The following DRC11 variants were observed in gnomAD, a reference collection of about 807,000 sequenced individuals.
The protein encoded by DRC11 is IQ and AAA domain-containing protein 1.
At chr2:236,338,215 A>C in the DRC11 span, 6 of 1,613,668 alleles carry the variant, frequency 3.7e-6, no homozygotes, top group Non-Finnish European at 5.1e-6. Flanking sequence ...CGTATCTGGA[A>C]GCATAGTCTG....
chr2:236,336,422 C>G, the DRC11 span, among the ~76,000 whole-genome samples: 1 of 58,154 alleles, frequency 1.7e-5, no homozygotes, highest in Non-Finnish European at 3.7e-5. The surrounding 1 kb of genome is among the most constrained non-coding windows in gnomAD (Gnocchi z 7.3). Context: ...TGACCACCAC[C>G]ACCACTGCCA....
chr2:236,459,964 C>T, the DRC11 span, among the ~76,000 whole-genome samples: 1 of 152,024 alleles, frequency 6.6e-6, no homozygotes, highest in Non-Finnish European at 1.5e-5. Flanking sequence ...CGTGGGAATG[C>T]ATATTAAGTG....
chr2:236,489,830 C>T, the DRC11 span, among the ~76,000 whole-genome samples: 1 of 152,040 alleles, frequency 6.6e-6, no homozygotes, highest in Non-Finnish European at 1.5e-5. Flanking sequence ...GAAGCTGGGG[C>T]GAGAGGATCA....
At chr2:236,414,376 C>T in the DRC11 span, among the ~76,000 whole-genome samples, 2 of 152,110 alleles carry the variant, frequency 1.3e-5, no homozygotes. Flanking sequence ...AGTCCATGAC[C>T]GATTTTGAGT....
At chr2:236,422,632 T>C in the DRC11 span, among the ~76,000 whole-genome samples, 1 of 152,138 alleles carries the variant, frequency 6.6e-6, no homozygotes, top group Non-Finnish European at 1.5e-5. Context: ...CTGCCCAAGG[T>C]AATTTATAGA....
the DRC11 span, among the ~76,000 whole-genome samples, chr2:236,323,579 C>T: frequency 6.6e-6 from 1 of 152,156 alleles, no homozygotes; most frequent in South Asian, 2.1e-4. This position sits in a 1 kb window ranked among gnomAD's most constrained non-coding sequence, Gnocchi z 6.4. Context: ...CCAGAAGACA[C>T]CTGGAAACCA....
the DRC11 span, among the ~76,000 whole-genome samples, chr2:236,480,915 T>C: frequency 6.6e-6 from 1 of 152,382 alleles, no homozygotes; most frequent in South Asian, 2.1e-4. Flanking sequence ...ATTTCCTTTA[T>C]TGCTAGGTAA....
chr2:236,488,367 T>C, the DRC11 span, among the ~76,000 whole-genome samples: 1 of 152,212 alleles, frequency 6.6e-6, no homozygotes, highest in East Asian at 1.9e-4. Flanking sequence ...TATATTTTGA[T>C]AACATGACAT....
chr2:236,449,357 C>G, the DRC11 span, among the ~76,000 whole-genome samples: 21 of 152,292 alleles, frequency 1.4e-4, no homozygotes, highest in South Asian at 2.9e-3. This position sits in a 1 kb window ranked among gnomAD's most constrained non-coding sequence, Gnocchi z 5.1. Flanking sequence ...CATTCTGTCA[C>G]GAAGCCAGGG....
the DRC11 span, among the ~76,000 whole-genome samples, chr2:236,473,471 C>T: frequency 6.6e-6 from 1 of 152,220 alleles, no homozygotes; most frequent in Non-Finnish European, 1.5e-5. The surrounding 1 kb of genome is among the most constrained non-coding windows in gnomAD (Gnocchi z 4.8). Context: ...TTTTACGATG[C>T]TTTTAGGATT....
the DRC11 span, among the ~76,000 whole-genome samples, chr2:236,486,452 C>G: frequency 6.6e-6 from 1 of 151,994 alleles, no homozygotes; most frequent in African/African-American, 2.4e-5. The surrounding 1 kb of genome is among the most constrained non-coding windows in gnomAD (Gnocchi z 5.7). Context: ...ACCTTTCCAT[C>G]TCTATGATTC....
At chr2:236,363,168 T>A in the DRC11 span, among the ~76,000 whole-genome samples, 2 of 152,206 alleles carry the variant, frequency 1.3e-5, no homozygotes, top group Non-Finnish European at 2.9e-5. The surrounding 1 kb of genome is among the most constrained non-coding windows in gnomAD (Gnocchi z 5.6). Context: ...GAAATTAAAT[T>A]TTGTAAAGCC....
At chr2:236,464,858 C>T in the DRC11 span, among the ~76,000 whole-genome samples, 29 of 152,266 alleles carry the variant, frequency 1.9e-4, no homozygotes, top group East Asian at 4.3e-3. Context: ...CTCTCTTTGG[C>T]TCTTGCTCTT....
chr2:236,321,781 T>C, the DRC11 span, among the ~76,000 whole-genome samples: 2 of 152,088 alleles, frequency 1.3e-5, no homozygotes, highest in Non-Finnish European at 2.9e-5. Context: ...ATATCACTTC[T>C]CTTCCAACTG....
At chr2:236,428,413 T>G in the DRC11 span, among the ~76,000 whole-genome samples, 1 of 152,244 alleles carries the variant, frequency 6.6e-6, no homozygotes, top group Non-Finnish European at 1.5e-5. Context: ...ATTTATATGC[T>G]CTGATGTTTG....
At chr2:236,507,264 A>T in the DRC11 span, 2 of 1,614,016 alleles carry the variant, frequency 1.2e-6, no homozygotes, top group African/African-American at 1.3e-5. Flanking sequence ...TACGCGTTCG[A>T]CATTGCTGGC....
the DRC11 span, among the ~76,000 whole-genome samples, chr2:236,500,214 G>A: frequency 6.6e-6 from 1 of 152,140 alleles, no homozygotes; most frequent in Non-Finnish European, 1.5e-5. The surrounding 1 kb of genome is among the most constrained non-coding windows in gnomAD (Gnocchi z 6.3). Context: ...ACCCTATGAG[G>A]TAGGCATAAT....
chr2:236,471,825 G>A, the DRC11 span, among the ~76,000 whole-genome samples: 1 of 152,224 alleles, frequency 6.6e-6, no homozygotes, highest in Admixed American at 6.5e-5. This position sits in a 1 kb window ranked among gnomAD's most constrained non-coding sequence, Gnocchi z 4.6. Context: ...GACCTTAACG[G>A]CTTTAATCTG....
the DRC11 span, among the ~76,000 whole-genome samples, chr2:236,457,387 A>G: frequency 1.3e-5 from 2 of 152,198 alleles, no homozygotes; most frequent in African/African-American, 4.8e-5. The surrounding 1 kb of genome is among the most constrained non-coding windows in gnomAD (Gnocchi z 4.7). Flanking sequence ...GCAAAGTCCT[A>G]TTGCACAGCC....
Sources: allele counts gnomAD v4.1 joint callset (sites outside exome capture counted in the v4.1 genomes callset), GRCh38; gene constraint gnomAD v4.1.1; non-coding constraint Gnocchi (gnomAD v3.1); transcripts MANE v1.5; gene names NCBI Gene and HGNC (gene_info 2026-07-23, HGNC 2026-07-21).